Variants in LDLRAD3 observed in about 807,000 individuals in gnomAD.
The protein encoded by LDLRAD3 is low-density lipoprotein receptor class A domain-containing protein 3.
Under a neutral mutation model 29.4 loss-of-function variants are expected in LDLRAD3, and 20 were observed. That is an observed-to-expected ratio of 0.68 (90% CI 0.48 to 0.99). LDLRAD3 has a LOEUF of 0.99. Among genes scored for constraint, LDLRAD3 ranks in the 50% least tolerant of loss-of-function variants. The probability of loss-of-function intolerance (pLI) is 0.00; values close to 1 mark genes in which losing one functional copy is unlikely to be tolerated. For missense variants in LDLRAD3, 420 were observed against 454.3 expected, an observed-to-expected ratio of 0.92 and a Z score of 0.69; for synonymous variants, 157 against 192.7, an observed-to-expected ratio of 0.81 and a Z score of 1.53.
At chr11:36,034,104 A>G (rs554152693) in intron 1 of LDLRAD3, among the ~76,000 whole-genome samples, 17 of 152,264 alleles carry the variant, frequency 1.1e-4, no homozygotes, top group Admixed American at 9.2e-4. Context: ...CTGTGTGTCT[A>G]TCAACATCCA....
rs1239562510 is a variant in LDLRAD3, at chr11:36,230,880, T to G, written c.*1483T>G. On this transcript the variant is annotated 3_prime_UTR_variant, in exon 6 of 6. Coordinates refer to ENST00000315571, the MANE Select transcript of LDLRAD3 (RefSeq NM_174902.4). ...TGTTGCACTTTGAGGTTATTATTTA[T>G]CAAGTTCTTGAAGGAAGCAGAAAGA... is the stretch of plus-strand genomic sequence containing the variant. 1 of 152,578 alleles carries G rather than the reference T, an allele frequency of 6.6e-6. No individual in the cohort carries two copies. Among genetic ancestry groups the G allele is most frequent in the Non-Finnish European group, 1.5e-5 (1 of 68,044 alleles). 9.5% of individuals were successfully genotyped at this position (152,578 alleles called of 1,614,324 possible).
intron 4 of LDLRAD3, among the ~76,000 whole-genome samples, chr11:36,167,595 T>C (rs1854533722): frequency 6.6e-6 from 1 of 152,048 alleles, no homozygotes; most frequent in Non-Finnish European, 1.5e-5. Context: ...CATTACCAGA[T>C]GCATCTACAA....
intron 4 of LDLRAD3, among the ~76,000 whole-genome samples, chr11:36,117,041 AT>A (rs1853686076): frequency 1.3e-5 from 2 of 151,964 alleles, no homozygotes; most frequent in Non-Finnish European, 2.9e-5. Context: ...GGGTTTCACC[AT>A]GTTGGCCAGG....
chr11:36,073,367 A>G (rs1481705486), intron 2 of LDLRAD3, among the ~76,000 whole-genome samples: 2 of 152,238 alleles, frequency 1.3e-5, no homozygotes, highest in African/African-American at 4.8e-5. Context: ...AATGGAGTAG[A>G]GTCACCCTGT....
chr11:36,046,367 A>G (rs1565183376), intron 2 of LDLRAD3, among the ~76,000 whole-genome samples: 1 of 152,044 alleles, frequency 6.6e-6, no homozygotes, highest in Non-Finnish European at 1.5e-5. Flanking sequence ...TTCTTTATAA[A>G]TTACCCAGTC....
At chr11:35,961,570 G>T (rs1307945422) in intron 1 of LDLRAD3, among the ~76,000 whole-genome samples, 1 of 152,178 alleles carries the variant, frequency 6.6e-6, no homozygotes, top group African/African-American at 2.4e-5. Flanking sequence ...ACCAATCCAT[G>T]CCGAGACTAG....
chr11:36,050,854 G>C (rs1499513), intron 2 of LDLRAD3, among the ~76,000 whole-genome samples: 42,058 of 152,136 alleles, frequency 0.28, 7,133 homozygotes, highest in Middle Eastern at 0.41. Context: ...CCAAGACCAA[G>C]GCACTGACAG....
chr11:36,034,264 G>A (rs888604142), intron 1 of LDLRAD3, among the ~76,000 whole-genome samples: 8 of 152,192 alleles, frequency 5.3e-5, no homozygotes, highest in Non-Finnish European at 8.8e-5. Context: ...CCACAGAGGG[G>A]AGAGTGGGTT....
chr11:35,990,070 A>G (rs1463804050), intron 1 of LDLRAD3, among the ~76,000 whole-genome samples: 1 of 152,038 alleles, frequency 6.6e-6, no homozygotes, highest in East Asian at 1.9e-4. Context: ...TTTGTTCTCT[A>G]TGTGATTTTG....
At chr11:36,116,769 A>G (rs1853680713) in intron 4 of LDLRAD3, among the ~76,000 whole-genome samples, 1 of 152,088 alleles carries the variant, frequency 6.6e-6, no homozygotes, top group Non-Finnish European at 1.5e-5. Context: ...TGGGGAAATT[A>G]ACCATATTTT....
intron 2 of LDLRAD3, among the ~76,000 whole-genome samples, chr11:36,048,449 C>G (rs1161514902): frequency 6.6e-6 from 1 of 152,160 alleles, no homozygotes; most frequent in Non-Finnish European, 1.5e-5. Context: ...TGCTCCCTCC[C>G]TTGAAGCTGG....
chr11:35,960,833 G>A (rs1474714283), intron 1 of LDLRAD3, among the ~76,000 whole-genome samples: 2 of 152,192 alleles, frequency 1.3e-5, no homozygotes, highest in East Asian at 3.9e-4. Flanking sequence ...CTGACCTCAT[G>A]ATCCGCCCGC....
At chr11:36,106,172 C>T (rs1032572909) in intron 4 of LDLRAD3, among the ~76,000 whole-genome samples, 2 of 152,134 alleles carry the variant, frequency 1.3e-5, no homozygotes, top group Non-Finnish European at 2.9e-5. Context: ...TGGTGTGGGA[C>T]TTGGTAGAGC....
intron 4 of LDLRAD3, among the ~76,000 whole-genome samples, chr11:36,134,445 A>G (rs1254443461): frequency 1.3e-5 from 2 of 152,158 alleles, no homozygotes; most frequent in Admixed American, 6.5e-5. Context: ...TTCTCACTCC[A>G]TAGGGTCTGC....
chr11:36,076,214 GTCCA>G (rs1214373074), intron 2 of LDLRAD3, among the ~76,000 whole-genome samples: 1,154 of 107,520 alleles, frequency 0.011, 13 homozygotes, highest in African/African-American at 0.038. Context: ...TTGTCTGTCT[GTCCA>G]TCCGTCCATC....
intron 4 of LDLRAD3, among the ~76,000 whole-genome samples, chr11:36,113,116 G>A (rs1339362196): frequency 6.6e-6 from 1 of 152,098 alleles, no homozygotes; most frequent in Non-Finnish European, 1.5e-5. Flanking sequence ...TAGTTTCTAG[G>A]GTTTCTTCTA....
intron 4 of LDLRAD3, among the ~76,000 whole-genome samples, chr11:36,126,594 G>A (rs1393947217): frequency 6.6e-6 from 1 of 152,140 alleles, no homozygotes; most frequent in Non-Finnish European, 1.5e-5. Context: ...GGAGTCTGGA[G>A]CCCGGATCAT....
chr11:36,121,375 C>T (rs1853754994), intron 4 of LDLRAD3, among the ~76,000 whole-genome samples: 1 of 151,796 alleles, frequency 6.6e-6, no homozygotes, highest in Admixed American at 6.6e-5. Context: ...AGTGCAGCCT[C>T]GAGGCTGGAA....
chr11:36,166,006 A>G (rs1456567963), intron 4 of LDLRAD3, among the ~76,000 whole-genome samples: 1 of 107,606 alleles, frequency 9.3e-6, no homozygotes, highest in Non-Finnish European at 1.7e-5. Flanking sequence ...TCCTTCCTCT[A>G]TTCCATCCTC....
Sources: gnomAD v4.1 joint callset for allele counts (sites outside exome capture counted in the v4.1 genomes callset) on GRCh38, gnomAD v4.1.1 for gene constraint, MANE v1.5 for transcripts, NCBI Gene and HGNC (gene_info 2026-07-23, HGNC 2026-07-21) for gene names.